The following FMNL2 variants were observed in gnomAD, a reference collection of about 807,000 sequenced individuals.
FMNL2 encodes formin-like protein 2.
FMNL2 carries 51 observed loss-of-function variants against 130.2 expected under a neutral mutation model. That is an observed-to-expected ratio of 0.39 (90% CI 0.31 to 0.49). The LOEUF is 0.49. FMNL2 is among the 20% of genes least tolerant of loss of function. FMNL2 has a pLI of 0.85. For missense variants in FMNL2, 977 were observed against 1,316.2 expected, an observed-to-expected ratio of 0.74 and a Z score of 3.99; for synonymous variants, 465 against 467.1, an observed-to-expected ratio of 1.00 and a Z score of 0.06.
chr2:152,578,771 A>G, intron 7 of FMNL2, 117 bp from the exon 8 acceptor site: 1 of 692,574 alleles, frequency 1.4e-6, no homozygotes, highest in Non-Finnish European at 2.4e-6. Flanking sequence ...TGCATTTATA[A>G]TGGTGTAAGT....
At chr2:152,419,556 G>T (rs181169409) in intron 1 of FMNL2, among the ~76,000 whole-genome samples, 1 of 152,164 alleles carries the variant, frequency 6.6e-6, no homozygotes, top group Non-Finnish European at 1.5e-5. Context: ...AAATGGTAAC[G>T]TGATGGTCAA....
chr2:152,478,646 A>G (rs894203463), intron 1 of FMNL2, among the ~76,000 whole-genome samples: 2 of 152,194 alleles, frequency 1.3e-5, no homozygotes, highest in African/African-American at 4.8e-5. Context: ...TTATTTTAGT[A>G]GGAAGCAGTT....
intron 1 of FMNL2, among the ~76,000 whole-genome samples, chr2:152,508,563 T>C (rs1692309606): frequency 6.6e-6 from 1 of 152,208 alleles, no homozygotes; most frequent in Non-Finnish European, 1.5e-5. Flanking sequence ...TTAGCTATGG[T>C]TCATCTCTTG....
At chr2:152,381,581 G>A (rs1353585258) in intron 1 of FMNL2, among the ~76,000 whole-genome samples, 1 of 152,174 alleles carries the variant, frequency 6.6e-6, no homozygotes, top group Non-Finnish European at 1.5e-5. Flanking sequence ...GGGGTCATGA[G>A]AGTCACAGTC....
intron 1 of FMNL2, among the ~76,000 whole-genome samples, chr2:152,339,797 C>T (rs1681692990): frequency 6.6e-6 from 1 of 152,114 alleles, no homozygotes; most frequent in South Asian, 2.1e-4. Flanking sequence ...GGAACATTTT[C>T]TGAGTATCTA....
chr2:152,514,180 T>C (rs1692634074), intron 1 of FMNL2, among the ~76,000 whole-genome samples: 1 of 152,114 alleles, frequency 6.6e-6, no homozygotes, highest in African/African-American at 2.4e-5. Flanking sequence ...GTCCCAATAA[T>C]GGTATAAGGA....
At chr2:152,544,264 C>A (rs1292180829) in intron 3 of FMNL2, among the ~76,000 whole-genome samples, 1 of 152,044 alleles carries the variant, frequency 6.6e-6, no homozygotes, top group Non-Finnish European at 1.5e-5. Flanking sequence ...AAAAATGAGC[C>A]AGGCATGGTG....
chr2:152,377,614 A>C (rs1684244465), intron 1 of FMNL2, among the ~76,000 whole-genome samples: 1 of 152,220 alleles, frequency 6.6e-6, no homozygotes, highest in African/African-American at 2.4e-5. Flanking sequence ...TATAGGATAG[A>C]ACATGTATGT....
At chr2:152,346,018 GT>G (rs1009314254) in intron 1 of FMNL2, among the ~76,000 whole-genome samples, 9 of 149,308 alleles carry the variant, frequency 6.0e-5, no homozygotes, top group South Asian at 2.1e-4. Context: ...AACACCTATA[GT>G]TTTTTTTTTC....
intron 15 of FMNL2, 70 bp downstream of exon 15, chr2:152,619,788 A>G: frequency 1.3e-6 from 2 of 1,546,988 alleles, no homozygotes; most frequent in Non-Finnish European, 1.7e-6. Flanking sequence ...AGTTGAAGCT[A>G]TTCTTTCAAA....
At chr2:152,602,523 CA>C (rs1023265534) in intron 9 of FMNL2, among the ~76,000 whole-genome samples, 2 of 152,290 alleles carry the variant, frequency 1.3e-5, no homozygotes, top group Admixed American at 1.3e-4. Context: ...ACTTTCTCCC[CA>C]CCCCACTTAA....
chr2:152,429,215 C>CAAAAA (rs3047928), intron 1 of FMNL2, among the ~76,000 whole-genome samples: 4 of 95,714 alleles, frequency 4.2e-5, no homozygotes, highest in South Asian at 3.7e-4. Flanking sequence ...CTTAGAGGAA[C>CAAAAA]AAAAAAAAAA....
chr2:152,448,492 C>A (rs1688473180), intron 1 of FMNL2, among the ~76,000 whole-genome samples: 1 of 152,104 alleles, frequency 6.6e-6, no homozygotes, highest in Non-Finnish European at 1.5e-5. Context: ...TAGTTCAAAC[C>A]AACAGACTGA....
chr2:152,441,381 A>G (rs886946498), intron 1 of FMNL2, among the ~76,000 whole-genome samples: 2 of 152,320 alleles, frequency 1.3e-5, no homozygotes, highest in Admixed American at 1.3e-4. Context: ...TTTAGTAAAA[A>G]GGGGAGGAAA....
At chr2:152,345,916 T>C (rs946537770) in intron 1 of FMNL2, among the ~76,000 whole-genome samples, 14 of 152,240 alleles carry the variant, frequency 9.2e-5, no homozygotes, top group African/African-American at 3.4e-4. Flanking sequence ...GGTCCACTTT[T>C]TGGAAAGCAT....
intron 1 of FMNL2, among the ~76,000 whole-genome samples, chr2:152,410,618 T>C (rs1286625848): frequency 6.6e-6 from 1 of 152,214 alleles, no homozygotes; most frequent in Non-Finnish European, 1.5e-5. Context: ...GTGACTTCAA[T>C]AGTGGGCCAG....
At chr2:152,474,542 C>G (rs1455630602) in intron 1 of FMNL2, among the ~76,000 whole-genome samples, 1 of 151,896 alleles carries the variant, frequency 6.6e-6, no homozygotes, top group Non-Finnish European at 1.5e-5. Context: ...AAAAATTAGC[C>G]AGGCGTGGTG....
chr2:152,572,631 A>G (rs199970802), intron 6 of FMNL2, among the ~76,000 whole-genome samples: 1 of 122,272 alleles, frequency 8.2e-6, no homozygotes, highest in African/African-American at 2.8e-5. Flanking sequence ...ACAAAAAAAA[A>G]TTTTTTTTAA....
intron 2 of FMNL2, chr2:152,539,213 A>G (rs1694170150): frequency 6.6e-6 from 1 of 152,190 alleles, no homozygotes; most frequent in African/African-American, 2.4e-5. Flanking sequence ...GCACCTCCAA[A>G]GTCTTGGTGA....
Sources: gnomAD v4.1 joint callset for allele counts (sites outside exome capture counted in the v4.1 genomes callset) on GRCh38, gnomAD v4.1.1 for gene constraint, MANE v1.5 for transcripts, NCBI Gene and HGNC (gene_info 2026-07-23, HGNC 2026-07-21) for gene names.